STARD10: variants seen among roughly 807,000 people sequenced by gnomAD.
STARD10 encodes the protein START domain-containing protein 10.
STARD10 carries 24 observed loss-of-function variants against 36.0 expected under a neutral mutation model. That is an observed-to-expected ratio of 0.67 (90% CI 0.48 to 0.94). STARD10 has a LOEUF of 0.94. STARD10 is among the 40% of genes least tolerant of loss of function. The pLI, the probability that STARD10 is intolerant of heterozygous loss-of-function variation, is 0.00. For missense variants in STARD10, 335 were observed against 396.6 expected, an observed-to-expected ratio of 0.84 and a Z score of 1.32; for synonymous variants, 156 against 161.9, an observed-to-expected ratio of 0.96 and a Z score of 0.28.
intron 5 of STARD10, among the ~76,000 whole-genome samples, chr11:72,757,147 A>G (rs1858656470): frequency 5.3e-5 from 1 of 18,848 alleles, no homozygotes; most frequent in African/African-American, 2.9e-4. Flanking sequence ...CTCTGTCTCA[A>G]AAAAAAAAAA....
chr11:72,772,986 C>G (rs1018921601), intron 2 of STARD10, among the ~76,000 whole-genome samples: 1 of 152,196 alleles, frequency 6.6e-6, no homozygotes, highest in African/African-American at 2.4e-5. Flanking sequence ...CTCCATGTGT[C>G]TCCCCATGAG....
chr11:72,780,932 G>C (rs1428752442), intron 2 of STARD10, 43 bp downstream of exon 2: 1 of 1,594,268 alleles, frequency 6.3e-7, no homozygotes, highest in African/African-American at 1.3e-5. Context: ...GAGAGAGGCA[G>C]TAAGGGTGCA....
At chr11:72,765,816 C>CAAAAAAAAAAAAAAAAAAAAAAAAAA (rs752801080) in intron 2 of STARD10, among the ~76,000 whole-genome samples, 4 of 118,178 alleles carry the variant, frequency 3.4e-5, no homozygotes, top group Admixed American at 8.2e-5. Context: ...ACTAAAAATA[C>CAAAAAAAAAAAAAAAAAAAAAAAAAA]AAAAAAAAAA....
At chr11:72,778,462 A>G (rs1432992394) in intron 2 of STARD10, among the ~76,000 whole-genome samples, 2 of 152,206 alleles carry the variant, frequency 1.3e-5, no homozygotes, top group Non-Finnish European at 2.9e-5. Context: ...GGGGATGGGA[A>G]GCTCACAGGC....
intron 1 of STARD10, among the ~76,000 whole-genome samples, chr11:72,783,933 G>T (rs112132303): frequency 3.5e-4 from 53 of 152,248 alleles, no homozygotes; most frequent in Non-Finnish European, 5.7e-4. Flanking sequence ...GAAGAACCAA[G>T]AATCTTTTGG....
chr11:72,755,696 C>G lies in STARD10; in HGVS notation c.630+5G>C, dbSNP rs1858634804. The G allele has an allele frequency of 1.2e-6, 2 of 1,613,688 alleles. No homozygotes were observed. The highest frequency in any genetic ancestry group is 1.3e-5 in the African/African-American group (1 of 74,902). On this transcript the variant is annotated splice_donor_5th_base_variant and intron_variant, in intron 6 of 6. Transcript: ENST00000334805. ...ACCCCTCCCCAAAATCCCAAGGCCACTCACCTTGGGAGCCAGGAACTGAGA... is the reference window on the plus strand; with the variant it reads ...ACCCCTCCCCAAAATCCCAAGGCCAGTCACCTTGGGAGCCAGGAACTGAGA...
intron 3 of STARD10, 129 bp downstream of exon 3, chr11:72,759,101 ATCTC>A: frequency 1.8e-6 from 2 of 1,094,712 alleles, no homozygotes; most frequent in Non-Finnish European, 2.6e-6. Flanking sequence ...GGGCAGCTCT[ATCTC>A]TCAGCACTCA....
At chr11:72,763,496 A>C (rs528100018) in intron 2 of STARD10, among the ~76,000 whole-genome samples, 18 of 152,328 alleles carry the variant, frequency 1.2e-4, no homozygotes, top group African/African-American at 4.3e-4. Context: ...AGAGGAATAC[A>C]GGTATCACTT....
chr11:72,776,574 C>T (rs572138204), intron 2 of STARD10, among the ~76,000 whole-genome samples: 11 of 152,072 alleles, frequency 7.2e-5, no homozygotes, highest in Non-Finnish European at 1.5e-4. Flanking sequence ...TCAGCCTTGG[C>T]GAGTCAAGGA....
chr11:72,766,327 C>T (rs1296941914), intron 2 of STARD10, among the ~76,000 whole-genome samples: 2 of 152,068 alleles, frequency 1.3e-5, no homozygotes, highest in Admixed American at 6.6e-5. Flanking sequence ...GGTGGGAGAC[C>T]GGCGGTGAAC....
At chr11:72,755,591 A>G (rs58375567) in intron 6 of STARD10, 110 bp downstream of exon 6, 143,075 of 1,282,584 alleles carry the variant, frequency 0.11, 10,522 homozygotes, top group African/African-American at 0.34. Context: ...GATTACAGGC[A>G]TGAGCCACCA....
chr11:72,768,026 C>A (rs768737210), intron 2 of STARD10, among the ~76,000 whole-genome samples: 10 of 152,224 alleles, frequency 6.6e-5, no homozygotes, highest in Non-Finnish European at 1.2e-4. Context: ...ACAAGGACAA[C>A]AAGGAACAAA....
intron 2 of STARD10, among the ~76,000 whole-genome samples, chr11:72,772,045 C>T (rs1437433715): frequency 6.6e-6 from 1 of 152,216 alleles, no homozygotes; most frequent in Non-Finnish European, 1.5e-5. Flanking sequence ...TCCCCAACAG[C>T]CCCCAGAGCA....
In STARD10 at chr11:72,781,189, G is replaced by A; in HGVS notation, c.-8C>T. ...GGCCGCCAGCTTCTCCATGGGGAGT[G>A]TGGGGAGGCCCAGGGCCCTGGTCCT... On this transcript the variant is annotated 5_prime_UTR_variant, in exon 2 of 7. Coordinates refer to ENST00000334805, the MANE Select transcript of STARD10 (RefSeq NM_006645.3). This position sits in a 1 kb window ranked among gnomAD's most constrained non-coding sequence, Gnocchi z 4.7. 6.2e-7 allele frequency: 1 copy of A among 1,606,988 alleles called. No individual in the cohort carries two copies. Among genetic ancestry groups the A allele is most frequent in the Non-Finnish European group, 8.5e-7 (1 of 1,179,334 alleles).
chr11:72,766,582 A>C (rs1858793584), intron 2 of STARD10, among the ~76,000 whole-genome samples: 1 of 152,194 alleles, frequency 6.6e-6, no homozygotes, highest in African/African-American at 2.4e-5. Context: ...TGCAGGGTCC[A>C]GTGCCCAAGC....
chr11:72,784,249 G>A (rs1015262862), intron 1 of STARD10, among the ~76,000 whole-genome samples: 16 of 152,208 alleles, frequency 1.1e-4, no homozygotes, highest in African/African-American at 3.9e-4. Context: ...AGGAGGGCTG[G>A]AGGGGCTCTG....
At chr11:72,757,306 G>A (rs185022716) in intron 5 of STARD10, among the ~76,000 whole-genome samples, 20 of 152,330 alleles carry the variant, frequency 1.3e-4, no homozygotes. Context: ...TGGACACAAC[G>A]AGGCTTAGGT....
chr11:72,792,656 G>C (rs1308157789), intron 1 of STARD10, among the ~76,000 whole-genome samples: 2 of 152,070 alleles, frequency 1.3e-5, no homozygotes, highest in African/African-American at 2.4e-5. Context: ...CTAGACCTCA[G>C]CTCAATGCGC....
chr11:72,760,839 A>G (rs1395868996), intron 2 of STARD10, among the ~76,000 whole-genome samples: 2 of 151,664 alleles, frequency 1.3e-5, no homozygotes, highest in African/African-American at 4.9e-5. Context: ...TTTTTTACCC[A>G]AGTGCCCTAT....
Sources: gnomAD v4.1 joint callset for allele counts (sites outside exome capture counted in the v4.1 genomes callset) on GRCh38, gnomAD v4.1.1 for gene constraint, Gnocchi (gnomAD v3.1) non-coding constraint, MANE v1.5 for transcripts, NCBI Gene and HGNC (gene_info 2026-07-23, HGNC 2026-07-21) for gene names.